Variants in ZNF385D observed in about 807,000 individuals in gnomAD.
ZNF385D encodes the protein zinc finger protein 385D.
Under a neutral mutation model 35.8 loss-of-function variants are expected in ZNF385D, and 15 were observed. The observed-to-expected ratio is 0.42, with a 90% confidence interval of 0.28 to 0.64. ZNF385D has a LOEUF of 0.64. ZNF385D is among the 30% of genes least tolerant of loss of function. ZNF385D has a pLI of 0.23. For missense variants in ZNF385D, 474 were observed against 494.6 expected (o/e 0.96, Z 0.39); for synonymous variants, 212 against 186.8 (o/e 1.13, Z -1.10).
intron 2 of ZNF385D, among the ~76,000 whole-genome samples, chr3:21,628,175 C>G (rs2065186583): frequency 5.3e-5 from 8 of 151,978 alleles, no homozygotes; most frequent in Admixed American, 5.3e-4. Flanking sequence ...TATAGGAAAC[C>G]TGGAGCTAAA....
rs533211598 is a variant in ZNF385D at position 22,080,087 on chromosome 3, G to A, written c.325+88730C>T. 1.5e-3 allele frequency among the ~76,000 whole-genome samples: 226 copies of A among 152,172 alleles called. 2 individuals carry two copies. The highest frequency in any genetic ancestry group is 4.6e-3 in the African/African-American group (193 of 41,534). ...TGAAGACACAAAATGTTCAGGGATC[G>A]TTTTATAAGATGTTTTTGCCATTAC... On this transcript the variant is annotated intron_variant, in intron 3 of 5. Coordinates refer to the ZNF385D transcript ENST00000494108.
chr3:21,995,956 G>A (rs1695440123), intron 3 of ZNF385D, among the ~76,000 whole-genome samples: 1 of 152,066 alleles, frequency 6.6e-6, no homozygotes, highest in African/African-American at 2.4e-5. Context: ...TAGAGTGCTG[G>A]GGACCTGGCT....
chr3:21,667,414 G>C (rs9846956), intron 1 of ZNF385D, among the ~76,000 whole-genome samples: 231 of 152,100 alleles, frequency 1.5e-3, no homozygotes, highest in African/African-American at 5.3e-3. Flanking sequence ...CACCCACCTC[G>C]GCCTCCCAAA....
intron 2 of ZNF385D, among the ~76,000 whole-genome samples, chr3:22,320,288 T>A (rs1371984819): frequency 6.6e-6 from 1 of 152,112 alleles, no homozygotes; most frequent in East Asian, 1.9e-4. Flanking sequence ...AAGGTTTGAA[T>A]AGCATTAGTA....
intron 3 of ZNF385D, among the ~76,000 whole-genome samples, chr3:21,551,178 C>G (rs1385220133): frequency 6.6e-6 from 1 of 152,162 alleles, no homozygotes. Context: ...TTCAGGTCTT[C>G]TCTCTAGGAC....
At chr3:21,788,370 T>C (rs1327391199) in intron 3 of ZNF385D, among the ~76,000 whole-genome samples, 1 of 151,896 alleles carries the variant, frequency 6.6e-6, no homozygotes, top group African/African-American at 2.4e-5. Flanking sequence ...CCCAGCTACT[T>C]GGGGGGCTGA....
chr3:22,058,985 A>T (rs1302153625), intron 3 of ZNF385D, among the ~76,000 whole-genome samples: 1 of 152,156 alleles, frequency 6.6e-6, no homozygotes, highest in African/African-American at 2.4e-5. Context: ...AGGGAGATTA[A>T]TTTCAATCAC....
intron 3 of ZNF385D, among the ~76,000 whole-genome samples, chr3:22,167,244 T>A (rs1035665518): frequency 4.1e-4 from 63 of 152,310 alleles, no homozygotes; most frequent in Admixed American, 1.5e-3. Context: ...AACCCTTTGC[T>A]AATTGGTTTT....
intron 3 of ZNF385D, among the ~76,000 whole-genome samples, chr3:22,021,822 T>G (rs1186586896): frequency 6.6e-6 from 1 of 152,082 alleles, no homozygotes; most frequent in Non-Finnish European, 1.5e-5. Context: ...GAATTACTGA[T>G]GCTTTGTCCC....
intron 2 of ZNF385D, among the ~76,000 whole-genome samples, chr3:22,366,074 C>G: frequency 6.6e-6 from 1 of 151,796 alleles, no homozygotes; most frequent in East Asian, 1.9e-4. Flanking sequence ...TTATTCTTTA[C>G]CTTGTTTCAG....
In ZNF385D at chr3:21,414,092, A is replaced by G. The variant is rs1488301234; in HGVS notation, c.*7122T>C. The G allele has an allele frequency of 6.6e-6, 1 of 152,110 alleles. No homozygotes were observed. The highest frequency in any genetic ancestry group is 1.5e-5 in the Non-Finnish European group (1 of 67,990). 9.4% of individuals were successfully genotyped at this position (152,110 alleles called of 1,614,324 possible). A position where few individuals can be genotyped will look rare whatever the true frequency, so the allele number is the denominator to read the frequency against. Reference sequence around the variant, plus strand: ...GTTGTAAAATTTCAGTGAATTAAATATTATTAGAAGAAATTATTGACTAAG... The same window carrying G: ...GTTGTAAAATTTCAGTGAATTAAATGTTATTAGAAGAAATTATTGACTAAG... On this transcript the variant is annotated 3_prime_UTR_variant, in exon 8 of 8. Coordinates refer to ENST00000281523, the MANE Select transcript of ZNF385D (RefSeq NM_024697.3).
chr3:21,875,587 T>C (rs930347466), intron 3 of ZNF385D, among the ~76,000 whole-genome samples: 1 of 152,136 alleles, frequency 6.6e-6, no homozygotes, highest in Non-Finnish European at 1.5e-5. Context: ...ATATATCTGA[T>C]ACTCCAGTGC....
intron 3 of ZNF385D, among the ~76,000 whole-genome samples, chr3:21,948,246 G>A (rs926054441): frequency 2.0e-5 from 3 of 148,294 alleles, no homozygotes; most frequent in Non-Finnish European, 4.4e-5. Flanking sequence ...TACTGAAATA[G>A]ATTAATTTAA....
rs112897682 is a variant in ZNF385D, at chr3:21,821,922, C to T, written c.326-156894G>A. On this transcript the variant is annotated intron_variant, in intron 3 of 5. Transcript: ENST00000494108. ...TTGAGGCTGCAGTGAGCCATCATCA[C>T]GCCACTGTACTCCAGCCTGAATGAC... Among the ~76,000 whole-genome samples the T allele has an allele frequency of 3.5e-3, 518 of 147,642 alleles. 6 individuals carry two copies. Among genetic ancestry groups the T allele is most frequent in the African/African-American group, 0.012 (478 of 39,802 alleles).
At chr3:22,135,751 T>C (rs976805229) in intron 3 of ZNF385D, among the ~76,000 whole-genome samples, 1 of 152,202 alleles carries the variant, frequency 6.6e-6, no homozygotes, top group South Asian at 2.1e-4. Flanking sequence ...CTACAGTAAT[T>C]GGCCATTGTA....
At chr3:21,807,136 T>C (rs2072687663) in intron 3 of ZNF385D, among the ~76,000 whole-genome samples, 1 of 152,230 alleles carries the variant, frequency 6.6e-6, no homozygotes, top group Admixed American at 6.5e-5. Context: ...TTCAATCTTC[T>C]AAAAGTTGAA....
rs532396994 is a variant in ZNF385D at position 22,011,555 on chromosome 3, T to A, written c.325+157262A>T. On this transcript the variant is annotated intron_variant, in intron 3 of 5. Coordinates refer to the ZNF385D transcript ENST00000494108. ...TACAGTTTGATATTCCTTAGAAATT[T>A]TTCATTTTGATGCATAAAATAAGGT... Among the ~76,000 whole-genome samples the A allele has an allele frequency of 5.9e-5, 9 of 152,230 alleles. No individual in the cohort carries two copies. The East Asian group carries it at 1.7e-3, about 29-fold the overall frequency.
At chr3:21,812,360 G>A (rs528874137) in intron 3 of ZNF385D, among the ~76,000 whole-genome samples, 8 of 152,348 alleles carry the variant, frequency 5.3e-5, no homozygotes, top group Non-Finnish European at 1.0e-4. Context: ...TGGACAGTGG[G>A]GGCAGCCCAT....
chr3:21,463,513 C>A (rs907686693), intron 4 of ZNF385D, among the ~76,000 whole-genome samples: 2 of 152,144 alleles, frequency 1.3e-5, no homozygotes, highest in Admixed American at 6.5e-5. Flanking sequence ...CCCTGAGCAG[C>A]CTGAGGGCTT....
Sources: gnomAD v4.1 joint callset for allele counts (sites outside exome capture counted in the v4.1 genomes callset) on GRCh38, gnomAD v4.1.1 for gene constraint, MANE v1.5 for transcripts, NCBI Gene and HGNC (gene_info 2026-07-23, HGNC 2026-07-21) for gene names.